SYNE2: variants seen among roughly 807,000 people sequenced by gnomAD.
SYNE2 encodes the protein nesprin-2.
Under a neutral mutation model 856.3 loss-of-function variants are expected in SYNE2, and 431 were observed. That is an observed-to-expected ratio of 0.50 (90% confidence interval 0.47 to 0.55). SYNE2 has a LOEUF of 0.55. Among genes scored for constraint, SYNE2 ranks in the 20% least tolerant of loss-of-function variants. The probability of loss-of-function intolerance (pLI) is 0.00; values close to 1 mark genes in which losing one functional copy is unlikely to be tolerated. For missense variants in SYNE2, 8,129 were observed against 8,023.2 expected, an observed-to-expected ratio of 1.01 and a Z score of -0.50; for synonymous variants, 2,923 against 2,872.3, an observed-to-expected ratio of 1.02 and a Z score of -0.56.
intron 48 of SYNE2, among the ~76,000 whole-genome samples, chr14:64,054,467 A>G (rs1055455988): frequency 1.3e-5 from 2 of 152,224 alleles, no homozygotes; most frequent in African/African-American, 2.4e-5. Context: ...GTTTAGAAAC[A>G]TGAAGATTTT....
At chr14:63,784,731 GGAGGCA>G (rs1156804821) in intron 1 of SYNE2, among the ~76,000 whole-genome samples, 1 of 152,088 alleles carries the variant, frequency 6.6e-6, no homozygotes, top group Non-Finnish European at 1.5e-5. Context: ...CAGCATTTTG[GGAGGCA>G]GAGGCAGGAG....
intron 111 of SYNE2, 91 bp downstream of exon 111, chr14:64,220,728 C>G: frequency 7.0e-7 from 1 of 1,432,258 alleles, no homozygotes. Flanking sequence ...CAGGCTGCTT[C>G]CGTGCAGCCA....
At chr14:63,876,743 C>T (rs553691731) in intron 1 of SYNE2, among the ~76,000 whole-genome samples, 80 of 152,268 alleles carry the variant, frequency 5.3e-4, no homozygotes, top group Non-Finnish European at 9.0e-4. Context: ...ACCTCAGCCT[C>T]CCAAAGTGCT....
chr14:64,164,691 C>T (rs921842966), intron 89 of SYNE2, among the ~76,000 whole-genome samples: 2 of 152,076 alleles, frequency 1.3e-5, no homozygotes, highest in Non-Finnish European at 2.9e-5. Flanking sequence ...ACTGAGAGAA[C>T]GGAGTGCTCA....
chr14:64,198,348 C>T (rs976441025), intron 99 of SYNE2, among the ~76,000 whole-genome samples: 1 of 152,116 alleles, frequency 6.6e-6, no homozygotes, highest in African/African-American at 2.4e-5. Context: ...TTAACAAGGC[C>T]CAACAATGTG....
intron 1 of SYNE2, among the ~76,000 whole-genome samples, chr14:63,900,440 G>A (rs759405238): frequency 6.6e-6 from 1 of 152,150 alleles, no homozygotes; most frequent in Non-Finnish European, 1.5e-5. Flanking sequence ...CAAAAAGAGA[G>A]CTTGTGCAGG....
chr14:64,137,195 G>A (rs1047731044), intron 78 of SYNE2, among the ~76,000 whole-genome samples: 1 of 151,988 alleles, frequency 6.6e-6, no homozygotes, highest in Non-Finnish European at 1.5e-5. Context: ...TTGGTTGGTT[G>A]GTTTGTTTTG....
chr14:63,981,593 C>A (rs544129308), intron 16 of SYNE2, among the ~76,000 whole-genome samples: 4 of 152,262 alleles, frequency 2.6e-5, no homozygotes, highest in African/African-American at 9.6e-5. Context: ...GCTCTAAAAT[C>A]TTCCTGAGTT....
intron 1 of SYNE2, among the ~76,000 whole-genome samples, chr14:63,832,351 G>A (rs117393850): frequency 0.02 from 3,058 of 151,804 alleles, 41 homozygotes; most frequent in Admixed American, 0.032. Flanking sequence ...ATGTTGCCCA[G>A]GCTGGTCTGG....
chr14:64,099,133 C>T (rs1033700975), intron 63 of SYNE2: 6 of 369,926 alleles, frequency 1.6e-5, no homozygotes, highest in African/African-American at 2.1e-5. Flanking sequence ...GTTTGGCACT[C>T]CTGGTCTCAT....
chr14:63,891,309 G>C (rs1325113570), intron 1 of SYNE2, among the ~76,000 whole-genome samples: 1 of 152,200 alleles, frequency 6.6e-6, no homozygotes, highest in Non-Finnish European at 1.5e-5. Flanking sequence ...AGAACTTGAA[G>C]GCTTATATAC....
chr14:64,070,978 A>T (rs2097401672), intron 52 of SYNE2, 68 bp downstream of exon 52: 3 of 1,540,494 alleles, frequency 1.9e-6, no homozygotes, highest in South Asian at 1.1e-5. Context: ...AGAAAATCTA[A>T]AAGTATAGAA....
In SYNE2 at chr14:64,219,406, T is replaced by C. The variant is rs1189423763; in HGVS notation, c.19856T>C (p.Leu6619Pro). ...IQEIELRVKRLQEILKAFDTY... is the reference protein window; with the variant it reads ...IQEIELRVKRPQEILKAFDTY... ...GAAATAGAACTGAGAGTGAAGAGAC[T>C]GCAGGTGAGTTAGAGGTGTGGTGGG... Residue 6619 changes from leucine (L) to proline (P), a missense_variant, in exon 110 of 116, where the codon CTG becomes CCG. This residue lies in a region of SYNE2 where 5,410 missense variants were observed against 5,284.8 expected (regional missense o/e 1.02). Transcript: ENST00000555002. 2 of 1,614,012 alleles carry C rather than the reference T, an allele frequency of 1.2e-6. No individual in the cohort carries two copies. Among genetic ancestry groups the C allele is most frequent in the Non-Finnish European group, 8.5e-7 (1 of 1,179,978 alleles).
chr14:63,939,377 T>C (rs2095874642), intron 2 of SYNE2, among the ~76,000 whole-genome samples: 1 of 147,412 alleles, frequency 6.8e-6, no homozygotes, highest in Non-Finnish European at 1.5e-5. Context: ...AGACGAAGTC[T>C]CGCATTGTCA....
At position 64,174,989 on chromosome 14, in the gene SYNE2, A is replaced by C; in HGVS notation, c.17281A>C (p.Thr5761Pro). Residue 5761 changes from threonine (T) to proline (P), a missense_variant, in exon 95 of 116, where the codon ACC becomes CCC. Thr to Pro is a conservative substitution (Grantham distance 38). Transcript: ENST00000555002. ...FQRRRTTCAL[T>P]LEAGEKLLLT... The stretch of plus-strand genomic sequence containing the variant: ...AAGGAGGCGAACTACCTGTGCCCTA[A>C]CCTTGGAAGCTGGAGAAAAGTTACT... 1 of 1,614,202 alleles carries C rather than the reference A, an allele frequency of 6.2e-7. No individual in the cohort carries two copies. Among genetic ancestry groups the C allele is most frequent in the Non-Finnish European group, 8.5e-7 (1 of 1,180,030 alleles).
intron 73 of SYNE2, among the ~76,000 whole-genome samples, chr14:64,127,031 C>T (rs1261278665): frequency 6.6e-6 from 1 of 152,086 alleles, no homozygotes; most frequent in African/African-American, 2.4e-5. Context: ...GAGGCCAAGG[C>T]AGGCGGATCA....
At chr14:63,919,173 A>C (rs942967325) in intron 2 of SYNE2, among the ~76,000 whole-genome samples, 4 of 152,198 alleles carry the variant, frequency 2.6e-5, no homozygotes, top group Admixed American at 1.3e-4. Context: ...GAGAATATTG[A>C]GGTAAATAAC....
chr14:63,983,826 T>C lies in SYNE2; in HGVS notation c.2091T>C (p.Thr697=). ...TTCTATCTAAAGAAGAGAAAGCAAC[T>C]GTTGAGTTTTCAACAGATATGTCAG... is the stretch of plus-strand genomic sequence containing the variant. ...GNILSKEEKA[T]VEFSTDMSVE... is the part of the protein sequence containing the mutation. Residue 697 remains threonine, a synonymous_variant, in exon 18 of 116, where the codon ACT becomes ACC. Coordinates refer to ENST00000555002, the MANE Select transcript of SYNE2 (RefSeq NM_182914.3). 1 of 1,607,418 alleles carries C rather than the reference T, an allele frequency of 6.2e-7. No homozygotes were observed. The highest frequency in any genetic ancestry group is 1.7e-4 in the Middle Eastern group (1 of 6,040).
At chr14:64,210,902 C>G (rs1045413065) in intron 103 of SYNE2, among the ~76,000 whole-genome samples, 1 of 152,046 alleles carries the variant, frequency 6.6e-6, no homozygotes, top group African/African-American at 2.4e-5. Context: ...ACCTAGACAA[C>G]TCCCTTGCAT....
Sources: allele counts gnomAD v4.1 joint callset (sites outside exome capture counted in the v4.1 genomes callset), GRCh38; gene constraint gnomAD v4.1.1; regional missense constraint gnomAD v4.1.1; transcripts MANE v1.5; gene names NCBI Gene and HGNC (gene_info 2026-07-23, HGNC 2026-07-21).